The following EPB41L2 variants were observed in gnomAD, a reference collection of about 807,000 sequenced individuals.
EPB41L2 encodes the protein erythrocyte membrane protein band 4.1 like 2.
Under a neutral mutation model 113.0 loss-of-function variants are expected in EPB41L2, and 43 were observed. The ratio of observed to expected loss-of-function variants is 0.38; its 90% confidence interval spans 0.30 to 0.49. The LOEUF is 0.49. EPB41L2 is among the 20% of genes least tolerant of loss of function. The pLI is 0.95. For synonymous variants in EPB41L2, 442 were observed against 436.7 expected (o/e 1.01, Z -0.15); for missense variants, 1,147 against 1,223.4 (o/e 0.94, Z 0.93).
chr6:130,899,193 CAAAAT>C (rs1035954203), intron 8 of EPB41L2, among the ~76,000 whole-genome samples: 7 of 149,026 alleles, frequency 4.7e-5, no homozygotes, highest in Non-Finnish European at 7.4e-5. Context: ...AGCTGCAATG[CAAAAT>C]AAACCAGGAT....
chr6:130,911,416 G>A (rs968062560), intron 4 of EPB41L2, among the ~76,000 whole-genome samples: 3 of 152,192 alleles, frequency 2.0e-5, no homozygotes, highest in Non-Finnish European at 4.4e-5. Context: ...AATACTTAAT[G>A]TAGATGACGG....
At chr6:130,880,715 G>A (rs2128465884) in intron 12 of EPB41L2, 2 of 404,386 alleles carry the variant, frequency 4.9e-6, no homozygotes, top group East Asian at 7.1e-5. Flanking sequence ...ATGGAGGATG[G>A]AAGCTTCACT....
chr6:130,925,699 C>G (rs544953680), intron 4 of EPB41L2, among the ~76,000 whole-genome samples: 1 of 152,192 alleles, frequency 6.6e-6, no homozygotes, highest in African/African-American at 2.4e-5. Context: ...CAGAAGAGCA[C>G]ATAATTGGAA....
chr6:130,856,059 C>A (rs1780124290), intron 19 of EPB41L2, among the ~76,000 whole-genome samples: 1 of 152,080 alleles, frequency 6.6e-6, no homozygotes, highest in Non-Finnish European at 1.5e-5. Flanking sequence ...GAAAGAAGGG[C>A]TCTTCAATAC....
chr6:130,909,265 T>C (rs77820050), intron 4 of EPB41L2, among the ~76,000 whole-genome samples: 6 of 152,138 alleles, frequency 3.9e-5, no homozygotes, highest in Admixed American at 2.6e-4. Context: ...AGTGTGAAAA[T>C]TGAAACTGTT....
At chr6:131,029,542 A>C (rs761825064) in intron 1 of EPB41L2, among the ~76,000 whole-genome samples, 3 of 152,196 alleles carry the variant, frequency 2.0e-5, no homozygotes, top group Non-Finnish European at 4.4e-5. Context: ...TTAAACACGC[A>C]GAAAGGATTC....
At chr6:130,937,821 G>GAAAAGAAAAAAA (rs1554286116) in intron 3 of EPB41L2, among the ~76,000 whole-genome samples, 1 of 129,818 alleles carries the variant, frequency 7.7e-6, no homozygotes, top group African/African-American at 3.4e-5. Flanking sequence ...ATCTCAAAAA[G>GAAAAGAAAAAAA]AAAAAAAAAA....
chr6:130,993,447 G>A (rs531909834), intron 1 of EPB41L2, among the ~76,000 whole-genome samples: 9 of 152,148 alleles, frequency 5.9e-5, no homozygotes, highest in African/African-American at 1.7e-4. Context: ...AACACAAGGC[G>A]GTGTGTAGCA....
At chr6:130,952,588 G>T (rs1235145436) in intron 3 of EPB41L2, among the ~76,000 whole-genome samples, 1 of 152,098 alleles carries the variant, frequency 6.6e-6, no homozygotes, top group Non-Finnish European at 1.5e-5. Context: ...GCCAAGGTGG[G>T]CGGATCACGA....
chr6:130,891,477 C>G (rs1792855587), intron 10 of EPB41L2, among the ~76,000 whole-genome samples: 1 of 149,604 alleles, frequency 6.7e-6, no homozygotes, highest in South Asian at 2.1e-4. Context: ...GAGAAGGAGT[C>G]TCGCTCTGTC....
intron 1 of EPB41L2, among the ~76,000 whole-genome samples, chr6:130,972,951 A>C (rs1032546641): frequency 6.7e-6 from 1 of 149,502 alleles, no homozygotes; most frequent in Middle Eastern, 3.4e-3. Flanking sequence ...AAAAAAAAAA[A>C]AAAAAAAAAA....
At chr6:130,883,787 C>T (rs1364151274) in intron 12 of EPB41L2, among the ~76,000 whole-genome samples, 1 of 152,148 alleles carries the variant, frequency 6.6e-6, no homozygotes, top group African/African-American at 2.4e-5. Context: ...CTGAATTCCC[C>T]ACCAAATAAT....
At chr6:130,873,899 G>A (rs772606627) in intron 14 of EPB41L2, among the ~76,000 whole-genome samples, 2 of 152,164 alleles carry the variant, frequency 1.3e-5, no homozygotes, top group Non-Finnish European at 2.9e-5. Context: ...ATATTCAGCA[G>A]AGGAAAAAGC....
chr6:131,050,351 A>G (rs990817618), intron 1 of EPB41L2, among the ~76,000 whole-genome samples: 1 of 152,172 alleles, frequency 6.6e-6, no homozygotes, highest in African/African-American at 2.4e-5. Flanking sequence ...AAAAAAAATG[A>G]AAGACTCAAA....
rs548908671 is a variant in EPB41L2, at chr6:130,909,005, T to G, written c.811-142A>C. 4.3e-5 allele frequency: 26 copies of G among 607,068 alleles called. No individual in the cohort carries two copies. In the African/African-American group the frequency reaches 4.4e-4, roughly 10 times the overall value. The allele number at this position is 607,068 out of a possible 1,614,324, so 37.6% of individuals were successfully genotyped here. A position where few individuals can be genotyped will look rare whatever the true frequency, so the allele number is the denominator to read the frequency against. ...CAACTTGCACCTATCAGCATTCCAC[T>G]GGGCTAAGTATTGCTTTGTCCTTGG... is the stretch of plus-strand genomic sequence containing the variant. On this transcript the variant is annotated intron_variant, in intron 4 of 19. Transcript: ENST00000337057.
At chr6:131,059,247 T>C (rs943866039) in intron 1 of EPB41L2, among the ~76,000 whole-genome samples, 9 of 151,882 alleles carry the variant, frequency 5.9e-5, no homozygotes, top group African/African-American at 2.2e-4. Flanking sequence ...CCCGAGTAGC[T>C]GGGACTACAG....
intron 1 of EPB41L2, among the ~76,000 whole-genome samples, chr6:131,052,504 TCA>T (rs1359364554): frequency 1.3e-5 from 2 of 152,192 alleles, no homozygotes; most frequent in African/African-American, 2.4e-5. Flanking sequence ...GGCAAGAATT[TCA>T]CAGTTTCTAA....
Position 130,956,142 on chromosome 6 carries a change from T to A in EPB41L2, c.344A>T (p.Glu115Val), listed in dbSNP as rs201431851. The stretch of plus-strand genomic sequence containing the variant: ...TCTCTGTTCTTCTGGAAGGGGTTCC[T>A]CTTTATCTAAGACCTGTTCTTCAAC... ...AVVEEQVLDK[E>V]EPLPEEQRQA... Residue 115 changes from glutamate to valine, a missense_variant, in exon 2 of 20, where the codon GAG becomes GTG. Glu to Val is a moderately radical substitution (Grantham distance 121). Coordinates refer to ENST00000337057, the MANE Select transcript of EPB41L2 (RefSeq NM_001431.4). 5 of 1,614,190 alleles carry A rather than the reference T, an allele frequency of 3.1e-6. No homozygotes were observed. The highest frequency in any genetic ancestry group is 4.2e-6 in the Non-Finnish European group (5 of 1,180,024).
At chr6:130,938,720 T>C (rs769417737) in intron 3 of EPB41L2, among the ~76,000 whole-genome samples, 6 of 152,148 alleles carry the variant, frequency 3.9e-5, no homozygotes, top group Non-Finnish European at 7.4e-5. Flanking sequence ...ATAGTGAAAT[T>C]CTACCACTAG....
Sources: allele counts gnomAD v4.1 joint callset (sites outside exome capture counted in the v4.1 genomes callset), GRCh38; gene constraint gnomAD v4.1.1; transcripts MANE v1.5; gene names NCBI Gene and HGNC (gene_info 2026-07-23, HGNC 2026-07-21).